Variants in ATP13A4 observed in about 807,000 individuals in gnomAD.
ATP13A4 encodes the protein probable cation-transporting ATPase 13A4.
In ATP13A4, 114 loss-of-function variants were observed where a neutral mutation model predicts 142.5. The ratio of observed to expected loss-of-function variants is 0.80; its 90% CI spans 0.69 to 0.93. The LOEUF is 0.93. Among genes scored for constraint, ATP13A4 ranks in the 40% least tolerant of loss-of-function variants. The pLI, the probability that ATP13A4 is intolerant of heterozygous loss-of-function variation, is 0.00. For missense variants in ATP13A4, 1,392 were observed against 1,454.0 expected, an observed-to-expected ratio of 0.96 and a Z score of 0.69; for synonymous variants, 488 against 514.8, an observed-to-expected ratio of 0.95 and a Z score of 0.70.
chr3:193,530,397 T>TG (rs1722251664), intron 1 of ATP13A4, among the ~76,000 whole-genome samples: 4 of 152,166 alleles, frequency 2.6e-5, no homozygotes, highest in Non-Finnish European at 5.9e-5. Flanking sequence ...CCTTCCTCTG[T>TG]ATCTGAATCA....
In ATP13A4 at chr3:193,456,041, G is replaced by GA. The variant is rs1445896136; in HGVS notation, c.1915+958dup. On this transcript the variant is annotated intron_variant, in intron 16 of 29. Transcript: ENST00000342695. ...TTGTAGGGTGGAGGGTGGCAGGAGG[G>GA]AGAGGATCAGGAAAAATAACGAATG... is the stretch of plus-strand genomic sequence containing the variant. Among the ~76,000 whole-genome samples, 3 of 152,226 alleles carry GA rather than the reference G, an allele frequency of 2.0e-5. No individual in the cohort carries two copies. The East Asian group carries it at 5.8e-4, about 29-fold the overall frequency.
chr3:193,419,577 C>G (rs997145158), intron 25 of ATP13A4, among the ~76,000 whole-genome samples: 1 of 147,998 alleles, frequency 6.8e-6, no homozygotes, highest in South Asian at 2.2e-4. Context: ...ATACTTACCC[C>G]CAAGCCTGAG....
intron 1 of ATP13A4, among the ~76,000 whole-genome samples, chr3:193,550,872 T>C (rs1723518850): frequency 6.6e-6 from 1 of 152,192 alleles, no homozygotes; most frequent in Admixed American, 6.5e-5. Context: ...AGAGCAATGT[T>C]AGAATCAATT....
intron 25 of ATP13A4, among the ~76,000 whole-genome samples, chr3:193,421,443 C>T (rs1715396283): frequency 6.7e-6 from 1 of 149,462 alleles, no homozygotes; most frequent in South Asian, 2.1e-4. Context: ...TGGAAGGACA[C>T]TACAAATATA....
intron 1 of ATP13A4, among the ~76,000 whole-genome samples, chr3:193,583,244 C>A (rs1406599537): frequency 1.3e-5 from 2 of 151,338 alleles, no homozygotes; most frequent in Non-Finnish European, 2.9e-5. Context: ...ACCAGCCTGG[C>A]CAACGTGGCG....
chr3:193,411,315 T>C (rs1182560838), intron 27 of ATP13A4, among the ~76,000 whole-genome samples: 8 of 152,174 alleles, frequency 5.3e-5, no homozygotes, highest in Admixed American at 6.5e-5. Context: ...GTAGTAGATA[T>C]ACATAGGGTA....
At chr3:193,427,479 A>G in intron 25 of ATP13A4, among the ~76,000 whole-genome samples, 1 of 152,208 alleles carries the variant, frequency 6.6e-6, no homozygotes, top group Non-Finnish European at 1.5e-5. Context: ...ACCAAAAAAG[A>G]GCCCACATTG....
In ATP13A4 at chr3:193,438,373, C is replaced by A. The variant is rs545160192; in HGVS notation, c.2672+102G>T. 250 of 974,198 alleles carry A rather than the reference C, an allele frequency of 2.6e-4. 1 individual carries two copies. The African/African-American group carries it at 3.8e-3, about 15-fold the overall frequency. 60.3% of individuals were successfully genotyped at this position (974,198 alleles called of 1,614,324 possible). ...ATTCTTCCACAAAACACCCTCCGCACCCAGGGACAGAAAGTTTCTCTAGTC... is the reference window on the plus strand; with the variant it reads ...ATTCTTCCACAAAACACCCTCCGCAACCAGGGACAGAAAGTTTCTCTAGTC... On this transcript the variant is annotated intron_variant, in intron 23 of 29. Transcript: ENST00000342695.
chr3:193,454,447 A>G (rs1054520911), intron 16 of ATP13A4, among the ~76,000 whole-genome samples: 16 of 152,242 alleles, frequency 1.1e-4, no homozygotes, highest in African/African-American at 3.9e-4. Flanking sequence ...AGATAGGAAA[A>G]GTGTAAAATT....
chr3:193,492,417 A>G (rs968208030), intron 5 of ATP13A4, among the ~76,000 whole-genome samples: 1 of 152,254 alleles, frequency 6.6e-6, no homozygotes, highest in South Asian at 2.1e-4. Flanking sequence ...CTGCCTAATA[A>G]CTGATTTGGA....
At chr3:193,475,035 C>A (rs559491285) in intron 8 of ATP13A4, among the ~76,000 whole-genome samples, 16 of 152,176 alleles carry the variant, frequency 1.1e-4, no homozygotes, top group African/African-American at 3.9e-4. Flanking sequence ...GTCACTGACA[C>A]ATTTCTGGTG....
chr3:193,581,605 G>C (rs1022439606), intron 2 of ATP13A4: 6 of 152,214 alleles, frequency 3.9e-5, no homozygotes, highest in African/African-American at 1.4e-4. Flanking sequence ...TAATCCCTTT[G>C]AATCTGATGA....
Position 193,510,723 on chromosome 3 carries a change from C to CT in ATP13A4, c.234+3974dup, listed in dbSNP as rs373298295. Among the ~76,000 whole-genome samples the CT allele has an allele frequency of 1.5e-3, 231 of 150,652 alleles. 1 individual carries two copies. Among genetic ancestry groups the CT allele is most frequent in the African/African-American group, 5.4e-3 (222 of 41,160 alleles). On this transcript the variant is annotated intron_variant, in intron 2 of 29. Transcript: ENST00000342695. Reference sequence around the variant, plus strand: ...AGACTTTCAGTCAGTACATCACCGTCTTTTTTTTTAATGTCAAGAAATGAC... The same window carrying CT: ...AGACTTTCAGTCAGTACATCACCGTCTTTTTTTTTTAATGTCAAGAAATGAC...
At chr3:193,420,293 G>A (rs549231600) in intron 25 of ATP13A4, among the ~76,000 whole-genome samples, 3 of 149,586 alleles carry the variant, frequency 2.0e-5, no homozygotes, top group Non-Finnish European at 4.4e-5. Context: ...TGAAAAACTT[G>A]TACAAAGTCT....
chr3:193,521,127 G>A (rs1380153629), intron 1 of ATP13A4, among the ~76,000 whole-genome samples: 2 of 152,246 alleles, frequency 1.3e-5, no homozygotes, highest in South Asian at 2.1e-4. Context: ...AATTCAAATT[G>A]CCTACTATGT....
At chr3:193,541,248 C>CAAAAAAAAAAAAAAAAAAAAAAAAAAAA (rs71179308) in intron 1 of ATP13A4, among the ~76,000 whole-genome samples, 8 of 51,280 alleles carry the variant, frequency 1.6e-4, no homozygotes, top group South Asian at 6.8e-4. Flanking sequence ...GACTCCTTCT[C>CAAAAAAAAAAAAAAAAAAAAAAAAAAAA]AAAAAAAAAA....
At chr3:193,522,325 C>T (rs1424527209) in intron 1 of ATP13A4, among the ~76,000 whole-genome samples, 1 of 152,198 alleles carries the variant, frequency 6.6e-6, no homozygotes, top group African/African-American at 2.4e-5. Context: ...GGTTGAAGTT[C>T]ATGAAAACTT....
chr3:193,512,122 G>A (rs77314615), intron 2 of ATP13A4, among the ~76,000 whole-genome samples: 3,569 of 152,294 alleles, frequency 0.023, 40 homozygotes, highest in East Asian at 0.032. Context: ...AAGGCAGAGC[G>A]TGGTTCTGTT....
intron 25 of ATP13A4, among the ~76,000 whole-genome samples, chr3:193,423,720 C>A (rs1260829960): frequency 2.7e-5 from 4 of 149,746 alleles, no homozygotes; most frequent in African/African-American, 9.8e-5. Flanking sequence ...CAACTCACAT[C>A]ATACTAACGG....
Sources: allele counts gnomAD v4.1 joint callset (sites outside exome capture counted in the v4.1 genomes callset), GRCh38; gene constraint gnomAD v4.1.1; transcripts MANE v1.5; gene names NCBI Gene and HGNC (gene_info 2026-07-23, HGNC 2026-07-21).